The following REV3L variants were observed in gnomAD, a reference collection of about 807,000 sequenced individuals.
REV3L encodes the protein DNA polymerase zeta catalytic subunit.
Under a neutral mutation model 299.4 loss-of-function variants are expected in REV3L, and 69 were observed. The observed-to-expected ratio is 0.23, with a 90% CI of 0.19 to 0.28. The LOEUF (loss-of-function observed/expected upper bound fraction) is 0.28, where lower values mean the gene tolerates loss of function less well. REV3L is among the 10% of genes least tolerant of loss of function. The pLI, the probability that REV3L is intolerant of heterozygous loss-of-function variation, is 1.00. For missense variants in REV3L, 3,128 were observed against 3,693.8 expected (o/e 0.85, Z 3.97); for synonymous variants, 1,238 against 1,271.4 (o/e 0.97, Z 0.56).
Position 111,375,763 on chromosome 6 carries a change from A to G in REV3L, c.2592T>C (p.Asn864=), listed in dbSNP as rs1410139508. The G allele has an allele frequency of 2.5e-6, 4 of 1,613,738 alleles. No homozygotes were observed. The highest frequency in any genetic ancestry group is 2.5e-6 in the Non-Finnish European group (3 of 1,179,742). ...ATGCATTATCCTTCTCAGGATTACT[A>G]TTACAAGGATTATTTTGTATAAAAT... is the stretch of plus-strand genomic sequence containing the variant. The part of the protein sequence containing the change: ...KDNFIQNNPC[N]SNPEKDNALA... Residue 864 remains asparagine (N), a synonymous_variant, in exon 13 of 32, where the codon AAT becomes AAC. Coordinates refer to ENST00000368802, the MANE Select transcript of REV3L (RefSeq NM_001372078.1).
intron 1 of REV3L, among the ~76,000 whole-genome samples, chr6:111,479,953 T>C (rs1467127088): frequency 1.3e-5 from 2 of 152,210 alleles, no homozygotes; most frequent in Non-Finnish European, 2.9e-5. Flanking sequence ...AACTGGACTG[T>C]TTTCTAAAGC....
rs1188282905 is a variant in REV3L, at chr6:111,416,480, G to A, written c.140-8C>T. The A allele has an allele frequency of 1.2e-6, 2 of 1,603,220 alleles. No homozygotes were observed. The highest frequency in any genetic ancestry group is 1.7e-6 in the Non-Finnish European group (2 of 1,172,434). On this transcript the variant is annotated splice_region_variant and splice_polypyrimidine_tract_variant and intron_variant, in intron 1 of 31. Transcript: ENST00000368802. ...GAAGACATGTCTTCTGACCTAAAAT[G>A]TAACACATTATAAAGTTTAGTTTCC...
chr6:111,443,837 T>C (rs1788547499), intron 1 of REV3L, among the ~76,000 whole-genome samples: 1 of 152,230 alleles, frequency 6.6e-6, no homozygotes, highest in Admixed American at 6.5e-5. Flanking sequence ...ATTCATTTCA[T>C]GAAGGAATTT....
At chr6:111,386,872 C>G (rs1781402494) in intron 9 of REV3L, among the ~76,000 whole-genome samples, 1 of 151,944 alleles carries the variant, frequency 6.6e-6, no homozygotes, top group African/African-American at 2.4e-5. Context: ...CAGGTGTGCG[C>G]CACCACGCCC....
chr6:111,311,770 T>C (rs1773001254), intron 28 of REV3L: 1 of 152,088 alleles, frequency 6.6e-6, no homozygotes, highest in African/African-American at 2.4e-5. Context: ...AAATTTCTAC[T>C]AGGAAATAAC....
chr6:111,441,948 G>C (rs1788312827), intron 1 of REV3L, among the ~76,000 whole-genome samples: 1 of 152,208 alleles, frequency 6.6e-6, no homozygotes, highest in African/African-American at 2.4e-5. Flanking sequence ...AAGTGGGCCT[G>C]TGTCCCGGGG....
chr6:111,477,559 T>C (rs1477143653), intron 1 of REV3L, among the ~76,000 whole-genome samples: 1 of 151,990 alleles, frequency 6.6e-6, no homozygotes, highest in Non-Finnish European at 1.5e-5. Flanking sequence ...GGAAGGAGCA[T>C]GGCAAGAACA....
chr6:111,346,645 A>AG (rs1777061198), intron 20 of REV3L, among the ~76,000 whole-genome samples: 1 of 152,100 alleles, frequency 6.6e-6, no homozygotes, highest in African/African-American at 2.4e-5. Context: ...CACTGTACCC[A>AG]GTTCCAAATT....
chr6:111,345,343 A>G (rs936362972), intron 20 of REV3L, among the ~76,000 whole-genome samples: 1 of 152,216 alleles, frequency 6.6e-6, no homozygotes, highest in Non-Finnish European at 1.5e-5. Context: ...GCAATAATCA[A>G]ATATATTAAT....
chr6:111,325,853 C>T (rs1774729591), intron 25 of REV3L, among the ~76,000 whole-genome samples: 1 of 152,198 alleles, frequency 6.6e-6, no homozygotes, highest in Non-Finnish European at 1.5e-5. Flanking sequence ...TACTGTGCTA[C>T]TAAATACTAT....
At position 111,322,672 on chromosome 6, in the gene REV3L, C is replaced by T. The variant is rs770747009; in HGVS notation, c.8248G>A (p.Asp2750Asn). 4 of 1,613,268 alleles carry T rather than the reference C, an allele frequency of 2.5e-6. No homozygotes were observed. Among genetic ancestry groups the T allele is most frequent in the South Asian group, 1.1e-5 (1 of 91,062 alleles). ...SGRMPCIEVG[D>N]SIVHKARETL... ...TCTCTGGCTTTGTGAACAATACTATCGCCAACCTGTTGGTACAAACACATT... is the reference window on the plus strand; with the variant it reads ...TCTCTGGCTTTGTGAACAATACTATTGCCAACCTGTTGGTACAAACACATT... The change falls in exon 26 of 32, where the codon GAT (aspartate) becomes AAT (asparagine). Residue 2750 changes from aspartate to asparagine, a missense_variant. Transcript: ENST00000368802.
intron 2 of REV3L, among the ~76,000 whole-genome samples, chr6:111,413,709 GA>G (rs1784486161): frequency 6.6e-6 from 1 of 151,810 alleles, no homozygotes; most frequent in African/African-American, 2.4e-5. Flanking sequence ...AAAATTAGAA[GA>G]AAAAAGAAAA....
At chr6:111,394,167 T>C (rs1365711124) in intron 4 of REV3L, among the ~76,000 whole-genome samples, 2 of 152,248 alleles carry the variant, frequency 1.3e-5, no homozygotes, top group African/African-American at 4.8e-5. Context: ...GCAGTGGGAT[T>C]GCTGTATCAT....
At chr6:111,316,435 G>A (rs1043263098) in intron 26 of REV3L, among the ~76,000 whole-genome samples, 7 of 151,736 alleles carry the variant, frequency 4.6e-5, no homozygotes, top group Admixed American at 2.6e-4. Flanking sequence ...AGGCTGAGGC[G>A]GGTGTATCAC....
intron 1 of REV3L, among the ~76,000 whole-genome samples, chr6:111,450,611 AC>A (rs1390100202): frequency 3.3e-5 from 5 of 152,088 alleles, no homozygotes; most frequent in Non-Finnish European, 5.9e-5. Context: ...TACCAAAAAA[AC>A]AAAACAAAAC....
intron 1 of REV3L, among the ~76,000 whole-genome samples, chr6:111,478,958 T>A (rs932079832): frequency 6.6e-6 from 1 of 152,228 alleles, no homozygotes; most frequent in Non-Finnish European, 1.5e-5. Flanking sequence ...CTACTCTGCA[T>A]CTCAGCAGGG....
In REV3L at chr6:111,331,747, C is replaced by T; in HGVS notation, c.7963G>A (p.Val2655Ile). The T allele has an allele frequency of 2.5e-6, 4 of 1,613,234 alleles. No homozygotes were observed. The highest frequency in any genetic ancestry group is 3.4e-6 in the Non-Finnish European group (4 of 1,179,550). Residue 2655 changes from valine to isoleucine, a missense_variant, in exon 24 of 32, where the codon GTA (valine) becomes ATA (isoleucine). Coordinates refer to ENST00000368802, the MANE Select transcript of REV3L (RefSeq NM_001372078.1). ...ACTTGGTAAAGTAAATCTGGAGGTA[C>T]TCTCAGAGAGGTACAGCCAAATTTG... Reference protein sequence around the residue: ...EFKFGCTSLRVPPDLLYQVRH... With the variant: ...EFKFGCTSLRIPPDLLYQVRH...
chr6:111,367,720 G>A lies in REV3L; in HGVS notation c.6068C>T (p.Pro2023Leu), dbSNP rs1208365065. ...TACAACTCCAGTTGGCTTGGTTTTA[G>A]GCAGTTTCTTGGAACGTTCGTATTC... is the stretch of plus-strand genomic sequence containing the variant. ...KEEYERSKKL[P>L]KTKPTGVVKS... Residue 2023 changes from proline to leucine, a missense_variant, in exon 14 of 32, where the codon CCT (proline) becomes CTT (leucine). By Grantham distance (98) the Pro-to-Leu change is moderately conservative. This residue lies in a region of REV3L where 2,409 missense variants were observed against 2,611.8 expected (regional missense o/e 0.92). Coordinates refer to ENST00000368802, the MANE Select transcript of REV3L (RefSeq NM_001372078.1). 1.2e-6 allele frequency: 2 copies of A among 1,614,194 alleles called. No individual in the cohort carries two copies. The highest frequency in any genetic ancestry group is 1.7e-5 in the Admixed American group (1 of 60,018).
chr6:111,400,068 T>C (rs529141031), intron 4 of REV3L, among the ~76,000 whole-genome samples: 2 of 152,350 alleles, frequency 1.3e-5, no homozygotes, highest in Admixed American at 6.5e-5. Context: ...GCTTTAAAGA[T>C]TCATCCATGT....
Sources: gnomAD v4.1 joint callset for allele counts (sites outside exome capture counted in the v4.1 genomes callset) on GRCh38, gnomAD v4.1.1 for gene constraint, gnomAD v4.1.1 regional missense constraint, MANE v1.5 for transcripts, NCBI Gene and HGNC (gene_info 2026-07-23, HGNC 2026-07-21) for gene names.